The following CPQ variants were observed in gnomAD, a reference collection of about 807,000 sequenced individuals.
CPQ encodes the protein Ser-Met dipeptidase.
Under a neutral mutation model 45.7 loss-of-function variants are expected in CPQ, and 37 were observed. That is an observed-to-expected ratio of 0.81 (90% CI 0.62 to 1.07). The LOEUF is 1.07. CPQ is among the 50% of genes least tolerant of loss of function. The pLI is 0.00. For missense variants in CPQ, 537 were observed against 572.9 expected, an observed-to-expected ratio of 0.94 and a Z score of 0.64; for synonymous variants, 186 against 205.8, an observed-to-expected ratio of 0.90 and a Z score of 0.82.
chr8:96,935,446 G>T (rs1007095552), intron 4 of CPQ, among the ~76,000 whole-genome samples: 3 of 152,176 alleles, frequency 2.0e-5, no homozygotes, highest in African/African-American at 7.2e-5. Context: ...CTCAAGGTCA[G>T]TCTCACCCAA....
At chr8:97,135,255 G>A (rs1276390177) in intron 7 of CPQ, among the ~76,000 whole-genome samples, 1 of 152,124 alleles carries the variant, frequency 6.6e-6, no homozygotes, top group Non-Finnish European at 1.5e-5. Context: ...TGTGATTGAG[G>A]ATTTTTTTTG....
intron 1 of CPQ, among the ~76,000 whole-genome samples, chr8:96,715,355 C>G (rs1809660045): frequency 6.6e-6 from 1 of 152,184 alleles, no homozygotes; most frequent in Non-Finnish European, 1.5e-5. Context: ...AGTGTTCTAG[C>G]TATTCACATC....
chr8:96,669,083 G>A (rs1808965432), intron 1 of CPQ, among the ~76,000 whole-genome samples: 1 of 152,200 alleles, frequency 6.6e-6, no homozygotes, highest in East Asian at 1.9e-4. Flanking sequence ...GAATATCCCT[G>A]CCAGGGTAGG....
intron 4 of CPQ, among the ~76,000 whole-genome samples, chr8:96,921,541 A>G (rs768946777): frequency 2.2e-4 from 33 of 152,248 alleles, no homozygotes; most frequent in Admixed American, 3.3e-4. Flanking sequence ...TATACTGAGC[A>G]CCTGTTTTGA....
intron 1 of CPQ, among the ~76,000 whole-genome samples, chr8:96,728,620 G>T (rs1809873028): frequency 1.3e-5 from 2 of 152,120 alleles, no homozygotes; most frequent in South Asian, 4.1e-4. Context: ...CATTCTAAGG[G>T]TGGATATGGT....
At chr8:96,874,966 A>G (rs989289039) in intron 3 of CPQ, among the ~76,000 whole-genome samples, 4 of 151,862 alleles carry the variant, frequency 2.6e-5, no homozygotes, top group African/African-American at 9.7e-5. Flanking sequence ...ACAAGGATTC[A>G]AATTTCTCCA....
chr8:96,911,329 G>C (rs953724404), intron 4 of CPQ, among the ~76,000 whole-genome samples: 3 of 152,180 alleles, frequency 2.0e-5, no homozygotes, highest in African/African-American at 7.2e-5. Context: ...ATTTGTTCCT[G>C]CCAAGTTTAT....
intron 1 of CPQ, among the ~76,000 whole-genome samples, chr8:96,737,936 T>C (rs1408184417): frequency 1.3e-5 from 2 of 152,164 alleles, no homozygotes; most frequent in Non-Finnish European, 2.9e-5. Context: ...GTTGTATGTA[T>C]TTTCTATTTT....
At chr8:96,650,796 C>A (rs922606280) in intron 1 of CPQ, among the ~76,000 whole-genome samples, 4 of 152,174 alleles carry the variant, frequency 2.6e-5, no homozygotes, top group African/African-American at 9.7e-5. Flanking sequence ...TAGGGATGTT[C>A]ATGAAGAGTT....
At chr8:96,881,817 T>C (rs1180078697) in intron 4 of CPQ, among the ~76,000 whole-genome samples, 2 of 152,226 alleles carry the variant, frequency 1.3e-5, no homozygotes, top group Non-Finnish European at 2.9e-5. Context: ...CAAATAGCTT[T>C]GTTGAGTGTT....
chr8:96,835,493 G>A (rs1259567425), intron 3 of CPQ, among the ~76,000 whole-genome samples: 1 of 152,166 alleles, frequency 6.6e-6, no homozygotes, highest in African/African-American at 2.4e-5. Context: ...CTGCGTTCAT[G>A]TCTGCATTTC....
At chr8:97,013,152 C>T (rs1809519044) in intron 5 of CPQ, among the ~76,000 whole-genome samples, 1 of 152,014 alleles carries the variant, frequency 6.6e-6, no homozygotes, top group African/African-American at 2.4e-5. Flanking sequence ...TGGTGGCAGG[C>T]ACCTGTAACC....
At chr8:96,793,474 C>T (rs1301686174) in intron 2 of CPQ, among the ~76,000 whole-genome samples, 1 of 152,068 alleles carries the variant, frequency 6.6e-6, no homozygotes, top group East Asian at 1.9e-4. Context: ...GAAGGACCTG[C>T]CCCCATGATT....
intron 7 of CPQ, among the ~76,000 whole-genome samples, chr8:97,140,793 T>C (rs1385413196): frequency 1.3e-5 from 2 of 152,024 alleles, no homozygotes; most frequent in African/African-American, 4.8e-5. Flanking sequence ...GAATTTGCCC[T>C]AACAGATATC....
chr8:96,856,273 G>A (rs1563514138), intron 3 of CPQ, among the ~76,000 whole-genome samples: 2 of 152,190 alleles, frequency 1.3e-5, no homozygotes, highest in Non-Finnish European at 2.9e-5. Flanking sequence ...CAATAGTCCA[G>A]GTGAGAAATT....
intron 1 of CPQ, among the ~76,000 whole-genome samples, chr8:96,744,555 A>G (rs1438792906): frequency 2.0e-5 from 3 of 152,158 alleles, no homozygotes; most frequent in Non-Finnish European, 4.4e-5. Flanking sequence ...TGAGATTTTT[A>G]TGTAGTCATC....
chr8:97,023,825 G>A (rs1019138639), intron 5 of CPQ, among the ~76,000 whole-genome samples: 2 of 152,146 alleles, frequency 1.3e-5, no homozygotes, highest in African/African-American at 4.8e-5. Flanking sequence ...AATTGTCCAT[G>A]AATCCTGACT....
Position 96,939,586 on chromosome 8 carries a change from A to G in CPQ, c.850-26349A>G, listed in dbSNP as rs571602909. The stretch of plus-strand genomic sequence containing the variant: ...TTTATAAAATTGCCGTTTTAGTTGT[A>G]CATAGTCTTTTACAATTTGCTTTTT... On this transcript the variant is annotated intron_variant, in intron 4 of 7. Transcript: ENST00000220763. Among the ~76,000 whole-genome samples, 9 of 152,314 alleles carry G rather than the reference A, an allele frequency of 5.9e-5. No individual in the cohort carries two copies. The South Asian group carries it at 1.5e-3, about 25-fold the overall frequency.
intron 3 of CPQ, among the ~76,000 whole-genome samples, chr8:96,852,308 C>A (rs55864403): frequency 6.6e-6 from 1 of 152,112 alleles, no homozygotes; most frequent in East Asian, 1.9e-4. Context: ...AAAAACAAAA[C>A]AAAACACCAT....
Sources: allele counts gnomAD v4.1 joint callset (sites outside exome capture counted in the v4.1 genomes callset), GRCh38; gene constraint gnomAD v4.1.1; transcripts MANE v1.5; gene names NCBI Gene and HGNC (gene_info 2026-07-23, HGNC 2026-07-21).